The following HIP1 variants were observed in gnomAD, a reference collection of about 807,000 sequenced individuals.
The protein encoded by HIP1 is huntingtin interacting protein 1.
A neutral mutation model predicts 147.6 loss-of-function variants in HIP1; 65 were observed. The observed-to-expected ratio is 0.44, with a 90% CI of 0.36 to 0.54. The LOEUF (loss-of-function observed/expected upper bound fraction) is 0.54, where lower values mean the gene tolerates loss of function less well. HIP1 is among the 20% of genes least tolerant of loss of function. The pLI, the probability that HIP1 is intolerant of heterozygous loss-of-function variation, is 0.00. For synonymous variants in HIP1, 479 were observed against 504.0 expected, an observed-to-expected ratio of 0.95 and a Z score of 0.67; for missense variants, 1,061 against 1,299.6, an observed-to-expected ratio of 0.82 and a Z score of 2.82.
intron 1 of HIP1, among the ~76,000 whole-genome samples, chr7:75,652,294 G>C (rs1375613867): frequency 2.0e-5 from 3 of 148,450 alleles, no homozygotes; most frequent in African/African-American, 7.5e-5. Context: ...TCCAGCCTGG[G>C]TGACAGAGCG....
intron 1 of HIP1, among the ~76,000 whole-genome samples, chr7:75,642,930 T>C (rs980495543): frequency 6.6e-6 from 1 of 152,200 alleles, no homozygotes; most frequent in Non-Finnish European, 1.5e-5. Context: ...GCCCTGGCCC[T>C]TACTTCCAGC....
intron 2 of HIP1, among the ~76,000 whole-genome samples, chr7:75,595,251 T>TCTTTCTTCCTTCCTTCCTTCCTTCCTTC (rs1491144475): frequency 1.7e-5 from 1 of 59,500 alleles, no homozygotes; most frequent in Non-Finnish European, 3.1e-5. Context: ...TTTCTTTCTT[T>TCTTTCTTCCTTCCTTCCTTCCTTCCTTC]CTTCCTTCCT....
At chr7:75,594,326 G>T (rs181517238) in intron 2 of HIP1, among the ~76,000 whole-genome samples, 99 of 150,018 alleles carry the variant, frequency 6.6e-4, no homozygotes, top group Non-Finnish European at 1.2e-3. Context: ...CTGAACACCC[G>T]ACTTCTTCCA....
intron 1 of HIP1, among the ~76,000 whole-genome samples, chr7:75,698,831 A>T (rs1171453100): frequency 6.6e-6 from 1 of 152,084 alleles, no homozygotes; most frequent in Non-Finnish European, 1.5e-5. Context: ...AAAAAAAAAA[A>T]AATCTATTAT....
chr7:75,708,550 A>C (rs976039505), intron 1 of HIP1, among the ~76,000 whole-genome samples: 7 of 151,766 alleles, frequency 4.6e-5, no homozygotes, highest in Non-Finnish European at 8.8e-5. Context: ...TAAGTGTCCA[A>C]ATTCATTCTC....
chr7:75,664,916 C>T (rs1799508834), intron 1 of HIP1, among the ~76,000 whole-genome samples: 1 of 152,060 alleles, frequency 6.6e-6, no homozygotes, highest in African/African-American at 2.4e-5. Context: ...CCATCATGCC[C>T]AGTCCAGATA....
At chr7:75,688,330 A>G (rs570925601) in intron 1 of HIP1, among the ~76,000 whole-genome samples, 1 of 151,900 alleles carries the variant, frequency 6.6e-6, no homozygotes. Flanking sequence ...CCACACACGC[A>G]GAAGTCCCTC....
chr7:75,714,613 C>T (rs374292253), intron 1 of HIP1, among the ~76,000 whole-genome samples: 3 of 151,872 alleles, frequency 2.0e-5, no homozygotes, highest in East Asian at 2.0e-4. Flanking sequence ...CCACCATGCC[C>T]GGCTAATTTT....
At chr7:75,694,707 A>C (rs1289425600) in intron 1 of HIP1, among the ~76,000 whole-genome samples, 4 of 148,466 alleles carry the variant, frequency 2.7e-5, no homozygotes, top group Non-Finnish European at 6.0e-5. Flanking sequence ...ATGGGGTCTC[A>C]CTATGTTGCC....
chr7:75,735,548 T>A (rs1801990809), intron 1 of HIP1, among the ~76,000 whole-genome samples: 1 of 152,168 alleles, frequency 6.6e-6, no homozygotes, highest in Non-Finnish European at 1.5e-5. Flanking sequence ...CATAATACAT[T>A]CTTCCCCTTT....
At chr7:75,668,955 C>T (rs782285946) in intron 1 of HIP1, among the ~76,000 whole-genome samples, 2 of 152,114 alleles carry the variant, frequency 1.3e-5, no homozygotes, top group African/African-American at 4.8e-5. Flanking sequence ...CGGTGGCTCA[C>T]GCCTGTAATC....
chr7:75,622,478 A>C (rs587748767), intron 1 of HIP1, among the ~76,000 whole-genome samples: 1 of 151,702 alleles, frequency 6.6e-6, no homozygotes, highest in African/African-American at 2.4e-5. Flanking sequence ...AGGAAGGAGG[A>C]TTGCTTGAGC....
chr7:75,668,794 T>A (rs1161634809), intron 1 of HIP1, among the ~76,000 whole-genome samples: 2 of 152,250 alleles, frequency 1.3e-5, no homozygotes, highest in African/African-American at 2.4e-5. Context: ...TACATTTTTT[T>A]AAAACTGAGA....
intron 22 of HIP1, 89 bp downstream of exon 22, chr7:75,553,364 A>G (rs1794859997): frequency 6.9e-7 from 1 of 1,452,572 alleles, no homozygotes; most frequent in African/African-American, 1.4e-5. Flanking sequence ...AGAAAGAACT[A>G]GCTCAGAACA....
chr7:75,575,050 TG>T (rs1795796071), intron 7 of HIP1, among the ~76,000 whole-genome samples: 2 of 151,814 alleles, frequency 1.3e-5, no homozygotes, highest in South Asian at 2.1e-4. Context: ...CCCAGCTACT[TG>T]GGAAGCTGAG....
intron 29 of HIP1, among the ~76,000 whole-genome samples, chr7:75,541,323 G>A (rs1794302120): frequency 1.3e-5 from 2 of 152,268 alleles, no homozygotes; most frequent in South Asian, 4.1e-4. Flanking sequence ...GAGGTCAGGA[G>A]ATCGAGACCA....
At chr7:75,710,219 A>G (rs1014053274) in intron 1 of HIP1, among the ~76,000 whole-genome samples, 5 of 152,002 alleles carry the variant, frequency 3.3e-5, no homozygotes, top group Admixed American at 1.3e-4. Flanking sequence ...TTTATCAGGA[A>G]AGGGTGCTGG....
chr7:75,597,380 G>A (rs1219615349), intron 2 of HIP1, among the ~76,000 whole-genome samples: 5 of 152,180 alleles, frequency 3.3e-5, no homozygotes, highest in Non-Finnish European at 7.3e-5. Context: ...CTGTGACACA[G>A]TAACCAAGAG....
rs1416863282 is a variant in HIP1 at position 75,729,054 on chromosome 7, C to T, written c.120+9747G>A. On this transcript the variant is annotated intron_variant, in intron 1 of 30. Coordinates refer to ENST00000336926, the MANE Select transcript of HIP1 (RefSeq NM_005338.7). ...GCAGTTTACCCATGTAACAAGCCTG[C>T]GCATGTACCATCTGAACTTAAAAGT... Among the ~76,000 whole-genome samples the T allele has an allele frequency of 6.1e-5, 9 of 148,192 alleles. No individual in the cohort carries two copies. The East Asian group carries it at 1.2e-3, about 20-fold the overall frequency.
Sources: allele counts gnomAD v4.1 joint callset (sites outside exome capture counted in the v4.1 genomes callset), GRCh38; gene constraint gnomAD v4.1.1; transcripts MANE v1.5; gene names NCBI Gene and HGNC (gene_info 2026-07-23, HGNC 2026-07-21).